The following PDE7A variants were observed in gnomAD, a reference collection of about 807,000 sequenced individuals.
The protein encoded by PDE7A is phosphodiesterase 7A.
Under a neutral mutation model 64.3 loss-of-function variants are expected in PDE7A, and 39 were observed. The ratio of observed to expected loss-of-function variants is 0.61; its 90% CI spans 0.47 to 0.79. The LOEUF is 0.79. PDE7A is among the 30% of genes least tolerant of loss of function. The pLI is 0.00. For synonymous variants in PDE7A, 203 were observed against 206.8 expected, an observed-to-expected ratio of 0.98 and a Z score of 0.16; for missense variants, 470 against 582.8, an observed-to-expected ratio of 0.81 and a Z score of 1.99.
chr8:65,798,206 A>ATATATATTTTTTT lies in PDE7A; in HGVS notation c.139-15364_139-15363insAAAAAAATATATA. On this transcript the variant is annotated intron_variant, in intron 1 of 12. Coordinates refer to ENST00000401827, the MANE Select transcript of PDE7A (RefSeq NM_001242318.3). ...TATATATATATATATATATATATAT[A>ATATATATTTTTTT]TTTTTTTTTTTTTGAGATGGAGTCT... Among the ~76,000 whole-genome samples, 93 of 73,796 alleles carry ATATATATTTTTTT rather than the reference A, an allele frequency of 1.3e-3. 1 individual carries two copies. The highest frequency in any genetic ancestry group is 1.7e-3 in the Non-Finnish European group (68 of 39,410). The allele number at this position is 73,796 out of a possible 152,430, so 48.4% of individuals were successfully genotyped here.
chr8:65,827,607 TA>T (rs1241017148), intron 1 of PDE7A, among the ~76,000 whole-genome samples: 1 of 152,208 alleles, frequency 6.6e-6, no homozygotes, highest in Non-Finnish European at 1.5e-5. Flanking sequence ...TTTTATTCAA[TA>T]ATGAATAGCA....
chr8:65,816,864 A>G (rs1334414015), intron 1 of PDE7A, among the ~76,000 whole-genome samples: 1 of 152,170 alleles, frequency 6.6e-6, no homozygotes, highest in African/African-American at 2.4e-5. Flanking sequence ...CTGGATGTGT[A>G]GTTTAATGTT....
intron 3 of PDE7A, among the ~76,000 whole-genome samples, chr8:65,757,188 G>T (rs1033728259): frequency 2.0e-5 from 3 of 152,210 alleles, no homozygotes; most frequent in Admixed American, 6.5e-5. Flanking sequence ...AGACATTAGA[G>T]TCCTGCCTTG....
chr8:65,810,891 C>T (rs1299450048), intron 1 of PDE7A, among the ~76,000 whole-genome samples: 1 of 152,016 alleles, frequency 6.6e-6, no homozygotes, highest in African/African-American at 2.4e-5. Context: ...AAACAATAAA[C>T]TTAATATACA....
At chr8:65,813,312 A>G (rs78504509) in intron 1 of PDE7A, among the ~76,000 whole-genome samples, 7,678 of 152,240 alleles carry the variant, frequency 0.05, 532 homozygotes, top group African/African-American at 0.16. Context: ...GTTTGAAAGT[A>G]CTATTAAAAA....
At position 65,761,984 on chromosome 8, in the gene PDE7A, G is replaced by A. The variant is rs115844174; in HGVS notation, c.284-14181C>T. 6.6e-3 allele frequency among the ~76,000 whole-genome samples: 1,001 copies of A among 152,290 alleles called. 12 individuals carry two copies. The highest frequency in any genetic ancestry group is 0.023 in the African/African-American group (961 of 41,560). On this transcript the variant is annotated intron_variant, in intron 3 of 12. Transcript: ENST00000401827. ...GAGGCCTTTAACAGAAAAGCCTCTG[G>A]CTCTTGAGACCCGACCACTACTTGC...
intron 12 of PDE7A, among the ~76,000 whole-genome samples, chr8:65,720,209 C>T (rs1051708625): frequency 2.0e-5 from 3 of 152,168 alleles, no homozygotes; most frequent in African/African-American, 7.2e-5. Flanking sequence ...TAGCACTCCA[C>T]TGCACATTAG....
At chr8:65,823,077 T>C (rs1209353170) in intron 1 of PDE7A, among the ~76,000 whole-genome samples, 1 of 152,202 alleles carries the variant, frequency 6.6e-6, no homozygotes. Flanking sequence ...GTGGTTCTTC[T>C]TGCACAGCCC....
intron 1 of PDE7A, among the ~76,000 whole-genome samples, chr8:65,832,639 C>T (rs1810860116): frequency 6.6e-6 from 1 of 152,068 alleles, no homozygotes; most frequent in Admixed American, 6.6e-5. Context: ...CACGTGTCAC[C>T]ATGCCTGGCT....
intron 1 of PDE7A, among the ~76,000 whole-genome samples, chr8:65,817,137 C>T (rs1004038521): frequency 1.3e-5 from 2 of 152,210 alleles, no homozygotes; most frequent in African/African-American, 4.8e-5. Context: ...TATTCTTCAA[C>T]TCTAGAATTT....
intron 1 of PDE7A, among the ~76,000 whole-genome samples, chr8:65,796,931 A>G (rs1232548156): frequency 1.3e-5 from 2 of 152,198 alleles, no homozygotes; most frequent in Non-Finnish European, 2.9e-5. Flanking sequence ...CATGTAGAAA[A>G]TCCTAAAGAC....
chr8:65,747,098 C>A (rs1316827213), intron 4 of PDE7A, among the ~76,000 whole-genome samples: 1 of 152,148 alleles, frequency 6.6e-6, no homozygotes, highest in Non-Finnish European at 1.5e-5. Context: ...AACTATGATA[C>A]ATCTAAACCC....
chr8:65,764,700 A>C (rs996401692), intron 3 of PDE7A, among the ~76,000 whole-genome samples: 46 of 152,348 alleles, frequency 3.0e-4, no homozygotes, highest in African/African-American at 9.4e-4. Context: ...ATGAGCTTTT[A>C]AGAAACATCT....
chr8:65,756,514 T>TGC (rs1199552750), intron 3 of PDE7A, among the ~76,000 whole-genome samples: 1 of 152,190 alleles, frequency 6.6e-6, no homozygotes, highest in Non-Finnish European at 1.5e-5. Context: ...TACTTCCCCC[T>TGC]GCTCAAAGGT....
In PDE7A at chr8:65,810,029, T is replaced by A. The variant is rs138482939; in HGVS notation, c.139-27186A>T. On this transcript the variant is annotated intron_variant, in intron 1 of 12. Transcript: ENST00000401827. Reference sequence around the variant, plus strand: ...CCCCAAGGATTATAAGTCACGCTACTATAAAGACACATGCACACATATGTT... The same window carrying A: ...CCCCAAGGATTATAAGTCACGCTACAATAAAGACACATGCACACATATGTT... Among the ~76,000 whole-genome samples the A allele has an allele frequency of 5.9e-3, 891 of 152,268 alleles. 9 individuals carry two copies. The highest frequency in any genetic ancestry group is 0.02 in the African/African-American group (842 of 41,534).
chr8:65,725,480 T>C (rs1806572643), intron 9 of PDE7A: 2 of 154,236 alleles, frequency 1.3e-5, no homozygotes, highest in Non-Finnish European at 2.9e-5. Context: ...CAGTTATCTG[T>C]AAATGAATAT....
At chr8:65,792,503 T>G (rs981989178) in intron 1 of PDE7A, among the ~76,000 whole-genome samples, 2 of 152,246 alleles carry the variant, frequency 1.3e-5, no homozygotes, top group African/African-American at 4.8e-5. Flanking sequence ...ATACAGAGAC[T>G]CGGCATGTCC....
At chr8:65,797,708 A>C (rs183046500) in intron 1 of PDE7A, among the ~76,000 whole-genome samples, 1 of 152,300 alleles carries the variant, frequency 6.6e-6, no homozygotes, top group East Asian at 1.9e-4. Flanking sequence ...TTTTTTTTAG[A>C]AATTTGATGC....
intron 1 of PDE7A, among the ~76,000 whole-genome samples, chr8:65,816,102 T>A (rs1387148375): frequency 3.3e-5 from 5 of 151,848 alleles, no homozygotes; most frequent in African/African-American, 1.2e-4. Context: ...GTATTTCTTG[T>A]AAATGAATAA....
Sources: gnomAD v4.1 joint callset for allele counts (sites outside exome capture counted in the v4.1 genomes callset) on GRCh38, gnomAD v4.1.1 for gene constraint, MANE v1.5 for transcripts, NCBI Gene and HGNC (gene_info 2026-07-23, HGNC 2026-07-21) for gene names.